The following NDFIP2 variants were observed in gnomAD, a reference collection of about 807,000 sequenced individuals.
NDFIP2 encodes the protein Nedd4 family interacting protein 2, also known as NEDD4 family-interacting protein 2.
NDFIP2 carries 19 observed loss-of-function variants against 36.0 expected under a neutral mutation model. That is an observed-to-expected ratio of 0.53 (90% CI 0.37 to 0.77). The LOEUF (loss-of-function observed/expected upper bound fraction) is 0.77. Ranked by LOEUF, NDFIP2 falls within the 30% of genes least tolerant of loss-of-function variation. NDFIP2 has a pLI of 0.00. For synonymous variants in NDFIP2, 181 were observed against 167.7 expected, an observed-to-expected ratio of 1.08 and a Z score of -0.61; for missense variants, 446 against 435.8, an observed-to-expected ratio of 1.02 and a Z score of -0.21.
intron 1 of NDFIP2, among the ~76,000 whole-genome samples, chr13:79,492,689 C>G (rs184220142): frequency 1.1e-3 from 168 of 152,240 alleles, no homozygotes; most frequent in South Asian, 2.9e-3. Flanking sequence ...CCTGGCCACA[C>G]TTAAGGCCCT....
Position 79,545,573 on chromosome 13 carries a change from C to G in NDFIP2, c.840+1891C>G, listed in dbSNP as rs184892497. 3.3e-5 allele frequency among the ~76,000 whole-genome samples: 5 copies of G among 152,274 alleles called. No individual in the cohort carries two copies. In the East Asian group the frequency reaches 9.7e-4, roughly 29 times the overall value. On this transcript the variant is annotated intron_variant, in intron 5 of 7. Coordinates refer to ENST00000218652, the MANE Select transcript of NDFIP2 (RefSeq NM_019080.3). Reference sequence around the variant, plus strand: ...TAAAAAAATCTTTTGTATAAAATAACAATAACTGCCATTCATTTAACCCTT... The same window carrying G: ...TAAAAAAATCTTTTGTATAAAATAAGAATAACTGCCATTCATTTAACCCTT...
At chr13:79,547,054 A>T (rs1328950289) in intron 5 of NDFIP2, among the ~76,000 whole-genome samples, 1 of 151,940 alleles carries the variant, frequency 6.6e-6, no homozygotes, top group Non-Finnish European at 1.5e-5. Flanking sequence ...ATTTTAAAAA[A>T]TTACTATAAA....
intron 1 of NDFIP2, among the ~76,000 whole-genome samples, chr13:79,496,061 C>A (rs1873423219): frequency 6.6e-6 from 1 of 151,788 alleles, no homozygotes; most frequent in Non-Finnish European, 1.5e-5. Context: ...TGTCTTAAAT[C>A]ATAACATTTT....
chr13:79,482,126 T>A (rs187521333), intron 1 of NDFIP2, among the ~76,000 whole-genome samples: 79 of 151,478 alleles, frequency 5.2e-4, no homozygotes, highest in Admixed American at 2.6e-4. Flanking sequence ...TAAAAATGAC[T>A]GTATTTTTTG....
rs1307917548 is a variant in NDFIP2, at chr13:79,521,029, G to A, written c.487+54G>A. The stretch of plus-strand genomic sequence containing the variant: ...AGTTCTTTTTTTTTTTTGACATTTT[G>A]GTTTTGTGTAATTATCATGTCTGTT... On this transcript the variant is annotated intron_variant, in intron 2 of 7. Coordinates refer to ENST00000218652, the MANE Select transcript of NDFIP2 (RefSeq NM_019080.3). 8 of 1,443,420 alleles carry A rather than the reference G, an allele frequency of 5.5e-6. No homozygotes were observed. In the East Asian group the frequency reaches 1.9e-4, roughly 33 times the overall value. The allele number at this position is 1,443,420 out of a possible 1,614,324, so 89.4% of individuals were successfully genotyped here.
chr13:79,530,121 T>C (rs371802627), intron 2 of NDFIP2, among the ~76,000 whole-genome samples: 20 of 152,288 alleles, frequency 1.3e-4, no homozygotes, highest in East Asian at 9.6e-4. Flanking sequence ...GGGTGGTGGT[T>C]GCTGAATATT....
intron 1 of NDFIP2, among the ~76,000 whole-genome samples, chr13:79,518,140 A>G (rs1566660795): frequency 1.3e-5 from 2 of 152,236 alleles, no homozygotes; most frequent in African/African-American, 4.8e-5. Flanking sequence ...GTAGGAAGAC[A>G]TGGGAGACGG....
At chr13:79,487,114 C>T (rs1271667002) in intron 1 of NDFIP2, among the ~76,000 whole-genome samples, 1 of 152,112 alleles carries the variant, frequency 6.6e-6, no homozygotes, top group Non-Finnish European at 1.5e-5. Context: ...TCAGTTTGTA[C>T]CACTGCCCTT....
At chr13:79,544,687 A>T (rs1462857644) in intron 5 of NDFIP2, among the ~76,000 whole-genome samples, 1 of 152,126 alleles carries the variant, frequency 6.6e-6, no homozygotes, top group Non-Finnish European at 1.5e-5. Flanking sequence ...TTTTTAGTAG[A>T]ATCATAGATC....
chr13:79,511,407 G>A (rs189166916), intron 1 of NDFIP2, among the ~76,000 whole-genome samples: 2 of 152,220 alleles, frequency 1.3e-5, no homozygotes, highest in East Asian at 1.9e-4. Context: ...TCTTCTTTGG[G>A]ATATATATTC....
intron 1 of NDFIP2, among the ~76,000 whole-genome samples, chr13:79,510,998 CAAAA>C (rs11425903): frequency 1.0e-5 from 1 of 95,354 alleles, no homozygotes; most frequent in Non-Finnish European, 2.1e-5. Flanking sequence ...GACTCTGTCT[CAAAA>C]AAAAAAAAAA....
In NDFIP2 at chr13:79,481,202, G is replaced by A. The variant is rs377642299; in HGVS notation, c.-2G>A. On this transcript the variant is annotated 5_prime_UTR_variant, in exon 1 of 8. Transcript: ENST00000218652. Reference sequence around the variant, plus strand: ...AGCTATACCCTCCCACTGGCGGCGCGGATGGCACGCCGGCGGAGCCAGCGA... The same window carrying A: ...AGCTATACCCTCCCACTGGCGGCGCAGATGGCACGCCGGCGGAGCCAGCGA... 12 of 1,503,614 alleles carry A rather than the reference G, an allele frequency of 8.0e-6. No homozygotes were observed. In the Admixed American group the frequency reaches 8.8e-5, roughly 11 times the overall value. 93.1% of individuals were successfully genotyped at this position (1,503,614 alleles called of 1,614,324 possible).
chr13:79,487,982 A>G (rs1358215196), intron 1 of NDFIP2, among the ~76,000 whole-genome samples: 8 of 152,184 alleles, frequency 5.3e-5, no homozygotes, highest in Admixed American at 5.2e-4. Context: ...CTCTGTCATC[A>G]GCATCAAGGC....
intron 1 of NDFIP2, among the ~76,000 whole-genome samples, chr13:79,490,077 C>G (rs1237693455): frequency 6.6e-6 from 1 of 152,064 alleles, no homozygotes; most frequent in Admixed American, 6.5e-5. Flanking sequence ...AAGAGGCCAC[C>G]CTCTGAATGT....
At chr13:79,537,980 T>TA (rs150880081) in intron 3 of NDFIP2, among the ~76,000 whole-genome samples, 45,668 of 151,884 alleles carry the variant, frequency 0.3, 8,477 homozygotes, top group Non-Finnish European at 0.42. Flanking sequence ...CCAGGAAACT[T>TA]ACGATTGTGG....
chr13:79,492,557 A>G (rs1453492817), intron 1 of NDFIP2, among the ~76,000 whole-genome samples: 1 of 151,912 alleles, frequency 6.6e-6, no homozygotes, highest in African/African-American at 2.4e-5. Flanking sequence ...ATGCATCACC[A>G]CGCTTGGCTG....
intron 1 of NDFIP2, among the ~76,000 whole-genome samples, chr13:79,500,884 CT>C (rs1370839130): frequency 3.9e-5 from 6 of 152,052 alleles, no homozygotes; most frequent in Admixed American, 2.0e-4. Context: ...TTTATAGTAG[CT>C]TTATTCATAT....
In NDFIP2 at chr13:79,549,698, A is replaced by G. The variant is rs1442933598; in HGVS notation, c.907+1304A>G. The stretch of plus-strand genomic sequence containing the variant: ...ATGCCTGAGAAGTAAAATGTGTGTT[A>G]GAAAACAGCAGCTTTAGAGACAAAG... On this transcript the variant is annotated intron_variant, in intron 6 of 7. Transcript: ENST00000218652. Among the ~76,000 whole-genome samples the G allele has an allele frequency of 2.6e-5, 4 of 152,060 alleles. No homozygotes were observed. In the East Asian group the frequency reaches 7.7e-4, roughly 29 times the overall value.
At chr13:79,491,715 A>G (rs1369169102) in intron 1 of NDFIP2, among the ~76,000 whole-genome samples, 1 of 152,156 alleles carries the variant, frequency 6.6e-6, no homozygotes, top group Non-Finnish European at 1.5e-5. Flanking sequence ...TAACTGTGGA[A>G]TGGTATGGAA....
Sources: gnomAD v4.1 joint callset for allele counts (sites outside exome capture counted in the v4.1 genomes callset) on GRCh38, gnomAD v4.1.1 for gene constraint, MANE v1.5 for transcripts, NCBI Gene and HGNC (gene_info 2026-07-23, HGNC 2026-07-21) for gene names.